Variants in RARB observed in about 807,000 individuals in gnomAD.
The protein encoded by RARB is retinoic acid receptor beta, also known as HBV-activated protein.
A neutral mutation model predicts 51.9 loss-of-function variants in RARB; 17 were observed. The ratio of observed to expected loss-of-function variants is 0.33; its 90% CI spans 0.22 to 0.49. RARB has a LOEUF of 0.49. Ranked by LOEUF, RARB falls within the 20% of genes least tolerant of loss-of-function variation. The probability of loss-of-function intolerance (pLI) is 0.99; values close to 1 mark genes in which losing one functional copy is unlikely to be tolerated. For synonymous variants in RARB, 215 were observed against 195.4 expected (o/e 1.10, Z -0.84); for missense variants, 369 against 550.8 (o/e 0.67, Z 3.30).
intron 2 of RARB, among the ~76,000 whole-genome samples, chr3:24,891,549 A>AC (rs1302654844): frequency 6.6e-6 from 1 of 152,190 alleles, no homozygotes; most frequent in East Asian, 1.9e-4. Context: ...CCTGTTGCTT[A>AC]CCCACCCCCA....
At chr3:24,981,930 A>G (rs1361660337) in intron 2 of RARB, among the ~76,000 whole-genome samples, 1 of 151,950 alleles carries the variant, frequency 6.6e-6, no homozygotes, top group African/African-American at 2.4e-5. Context: ...TCACCCCTAA[A>G]TTTTCTTAGA....
chr3:24,866,832 C>G (rs544523926), intron 2 of RARB, among the ~76,000 whole-genome samples: 4 of 152,036 alleles, frequency 2.6e-5, no homozygotes, highest in Non-Finnish European at 5.9e-5. Flanking sequence ...TTTTATTATT[C>G]AAATCAGCCT....
chr3:25,441,838 T>G (rs1203048280), intron 1 of RARB, among the ~76,000 whole-genome samples: 1 of 152,208 alleles, frequency 6.6e-6, no homozygotes, highest in Middle Eastern at 3.2e-3. Context: ...GTTCAGGTAT[T>G]GTGCTTTTTA....
chr3:25,429,161 A>G (rs1708102236), intron 1 of RARB, among the ~76,000 whole-genome samples: 1 of 152,166 alleles, frequency 6.6e-6, no homozygotes, highest in Non-Finnish European at 1.5e-5. Flanking sequence ...ATATGCATAA[A>G]AATGTGGGGG....
chr3:25,273,190 C>G (rs1342699741), intron 5 of RARB, among the ~76,000 whole-genome samples: 1 of 152,130 alleles, frequency 6.6e-6, no homozygotes, highest in Non-Finnish European at 1.5e-5. Context: ...CTATGTGGAT[C>G]TACATGTCAT....
intron 3 of RARB, among the ~76,000 whole-genome samples, chr3:25,105,356 A>C (rs765964766): frequency 1.3e-5 from 2 of 151,036 alleles, no homozygotes; most frequent in Non-Finnish European, 2.9e-5. Flanking sequence ...GAGTGCTTTG[A>C]TAGCACTTTT....
At chr3:25,445,812 T>G (rs1708905533) in intron 1 of RARB, among the ~76,000 whole-genome samples, 1 of 152,174 alleles carries the variant, frequency 6.6e-6, no homozygotes, top group African/African-American at 2.4e-5. Context: ...AATTGTGTCA[T>G]TTTGGACGTT....
chr3:25,077,560 A>G (rs981134735), intron 3 of RARB, among the ~76,000 whole-genome samples: 1 of 152,078 alleles, frequency 6.6e-6, no homozygotes, highest in African/African-American at 2.4e-5. Context: ...GTACTAATAT[A>G]TCTCTATTTA....
intron 5 of RARB, among the ~76,000 whole-genome samples, chr3:25,380,646 A>T (rs1200979048): frequency 6.6e-6 from 1 of 152,232 alleles, no homozygotes. Context: ...GACAAAATCA[A>T]ATGGCGTTTC....
In RARB at chr3:25,569,614, G is replaced by A. The variant is rs1408494121; in HGVS notation, c.449-144G>A. On this transcript the variant is annotated intron_variant, in intron 3 of 7. Transcript: ENST00000330688. Reference sequence around the variant, plus strand: ...GGCTGCCAAATCCCTTTTCCAGGGAGGTGTGTTATTACCACCTCTTCCCAC... The same window carrying A: ...GGCTGCCAAATCCCTTTTCCAGGGAAGTGTGTTATTACCACCTCTTCCCAC... 4.3e-6 allele frequency: 4 copies of A among 935,226 alleles called. No homozygotes were observed. In the South Asian group the frequency reaches 5.1e-5, roughly 12 times the overall value. The allele number at this position is 935,226 out of a possible 1,614,324, so 57.9% of individuals were successfully genotyped here. A position where few individuals can be genotyped will look rare whatever the true frequency, so the allele number is the denominator to read the frequency against.
At chr3:25,414,923 C>T (rs1215393255) in intron 5 of RARB, among the ~76,000 whole-genome samples, 1 of 152,168 alleles carries the variant, frequency 6.6e-6, no homozygotes. Flanking sequence ...CTCACTGCAA[C>T]CTCCACCTCC....
At chr3:25,501,903 A>G (rs1400905445) in intron 3 of RARB, among the ~76,000 whole-genome samples, 1 of 152,210 alleles carries the variant, frequency 6.6e-6, no homozygotes, top group Non-Finnish European at 1.5e-5. Flanking sequence ...AAAATTGGCT[A>G]CTGGTCCATA....
chr3:25,355,050 C>A (rs1053066973), intron 5 of RARB, among the ~76,000 whole-genome samples: 1 of 152,058 alleles, frequency 6.6e-6, no homozygotes, highest in African/African-American at 2.4e-5. Flanking sequence ...GGTCTACAGT[C>A]AACATCCAGA....
At chr3:25,064,374 A>G (rs533378942) in intron 3 of RARB, among the ~76,000 whole-genome samples, 2 of 152,228 alleles carry the variant, frequency 1.3e-5, no homozygotes, top group East Asian at 3.9e-4. Flanking sequence ...TATCTTTTTG[A>G]TATACAGCTT....
At chr3:25,107,792 C>T (rs1384273457) in intron 3 of RARB, among the ~76,000 whole-genome samples, 1 of 152,142 alleles carries the variant, frequency 6.6e-6, no homozygotes, top group African/African-American at 2.4e-5. Flanking sequence ...AGTGCAACAG[C>T]AAAACTAACA....
At chr3:24,979,651 T>A (rs1696599575) in intron 2 of RARB, among the ~76,000 whole-genome samples, 1 of 152,182 alleles carries the variant, frequency 6.6e-6, no homozygotes. Flanking sequence ...TCCCTTTATT[T>A]TGAGCCTATG....
intron 5 of RARB, chr3:25,345,848 C>G: frequency 1.1e-6 from 1 of 897,966 alleles, no homozygotes; most frequent in East Asian, 1.2e-4. Flanking sequence ...GAGACACCTC[C>G]AAAATTCATT....
intron 5 of RARB, among the ~76,000 whole-genome samples, chr3:25,292,220 G>A (rs948657557): frequency 2.6e-5 from 4 of 152,142 alleles, no homozygotes; most frequent in African/African-American, 4.8e-5. Flanking sequence ...CACTGCTGGC[G>A]ATGCAGCGAG....
At chr3:25,279,884 C>T (rs1172106742) in intron 5 of RARB, among the ~76,000 whole-genome samples, 2 of 151,950 alleles carry the variant, frequency 1.3e-5, no homozygotes, top group African/African-American at 2.4e-5. Flanking sequence ...TTAAGTCAGT[C>T]TTTGGTCTAA....
Sources: allele counts gnomAD v4.1 joint callset (sites outside exome capture counted in the v4.1 genomes callset), GRCh38; gene constraint gnomAD v4.1.1; transcripts MANE v1.5; gene names NCBI Gene and HGNC (gene_info 2026-07-23, HGNC 2026-07-21).